The following GUCD1 variants were observed in gnomAD, a reference collection of about 807,000 sequenced individuals.
GUCD1 encodes the protein protein GUCD1.
Under a neutral mutation model 28.3 loss-of-function variants are expected in GUCD1, and 17 were observed. The ratio of observed to expected loss-of-function variants is 0.60; its 90% CI spans 0.41 to 0.90. The LOEUF (loss-of-function observed/expected upper bound fraction) is 0.90, where lower values mean the gene tolerates loss of function less well. Ranked by LOEUF, GUCD1 falls within the 40% of genes least tolerant of loss-of-function variation. GUCD1 has a pLI of 0.00. For missense variants in GUCD1, 279 were observed against 305.5 expected, an observed-to-expected ratio of 0.91 and a Z score of 0.65; for synonymous variants, 129 against 123.3, an observed-to-expected ratio of 1.05 and a Z score of -0.30.
chr22:24,547,143 A>G, intron 3 of GUCD1, 138 bp from the exon 4 acceptor site: 1 of 671,816 alleles, frequency 1.5e-6, no homozygotes, highest in Non-Finnish European at 2.7e-6. Context: ...GGCAGACGGT[A>G]CATGCAGCAA....
chr22:24,545,033 A>AG (rs1031792044), intron 4 of GUCD1, among the ~76,000 whole-genome samples: 8 of 151,586 alleles, frequency 5.3e-5, no homozygotes, highest in Non-Finnish European at 1.2e-4. Flanking sequence ...TAAAAAAAAA[A>AG]AAAAGAAAAG....
chr22:24,553,492 G>T (rs1430489973), intron 1 of GUCD1, among the ~76,000 whole-genome samples: 1 of 152,218 alleles, frequency 6.6e-6, no homozygotes, highest in Non-Finnish European at 1.5e-5. Flanking sequence ...CTTGGGGAAT[G>T]GAAGGCGTTT....
intron 1 of GUCD1, among the ~76,000 whole-genome samples, chr22:24,552,114 C>G (rs959199690): frequency 5.3e-5 from 8 of 152,190 alleles, no homozygotes; most frequent in Admixed American, 4.6e-4. Context: ...CAGGCCTTTA[C>G]CAGACACAGA....
chr22:24,555,547 C>A, upstream of GUCD1: 1 of 1,494,986 alleles, frequency 6.7e-7, no homozygotes, highest in Non-Finnish European at 9.1e-7. Context: ...CCTGAGCGGG[C>A]AGCCGCTCTA....
Position 24,543,917 on chromosome 22 carries a change from C to T in GUCD1, c.553G>A (p.Gly185Ser), listed in dbSNP as rs1469775399. Residue 185 changes from glycine to serine, a missense_variant, in exon 5 of 6, where the codon GGC becomes AGC. Coordinates refer to ENST00000435822, the MANE Select transcript of GUCD1 (RefSeq NM_001284254.2). ...HCFCRTPDYQ[G>S]HFIVLRGYNR... ...TAGCCACGCAGCACGATGAAGTGGC[C>T]CTGGTAGTCAGGAGTGCGGCAGAAG... is the stretch of plus-strand genomic sequence containing the variant. 2 of 1,613,880 alleles carry T rather than the reference C, an allele frequency of 1.2e-6. No homozygotes were observed. Among genetic ancestry groups the T allele is most frequent in the Non-Finnish European group, 1.7e-6 (2 of 1,179,950 alleles).
chr22:24,547,593 G>T, intron 3 of GUCD1: 1 of 318,750 alleles, frequency 3.1e-6, no homozygotes, highest in Non-Finnish European at 5.9e-6. Flanking sequence ...CCCTGGGCCT[G>T]CCTTGTGCTG....
chr22:24,545,813 G>T (rs1015097824), intron 4 of GUCD1, among the ~76,000 whole-genome samples: 1 of 151,494 alleles, frequency 6.6e-6, no homozygotes, highest in African/African-American at 2.4e-5. Flanking sequence ...CCATGATCTC[G>T]ATCTCCTAAC....
chr22:24,555,282 T>G (rs557746415), upstream of GUCD1: 1 of 1,358,812 alleles, frequency 7.4e-7, no homozygotes, highest in African/African-American at 1.5e-5. Flanking sequence ...CGCCTCAGCG[T>G]TGAGTGGCCC....
rs1178576455 is a variant in GUCD1, at chr22:24,555,092, C to T, written c.-101G>A. ...GCGGTCGGTGCGTGTCGAGTTCCTT[C>T]TCCGCCACCGCCGCCGCTGCGGAGG... On this transcript the variant is annotated 5_prime_UTR_variant, in exon 1 of 6. Coordinates refer to ENST00000435822, the MANE Select transcript of GUCD1 (RefSeq NM_001284254.2). 7.6e-7 allele frequency: 1 copy of T among 1,312,966 alleles called. No individual in the cohort carries two copies. The highest frequency in any genetic ancestry group is 9.7e-7 in the Non-Finnish European group (1 of 1,028,094). 81.3% of individuals were successfully genotyped at this position (1,312,966 alleles called of 1,614,324 possible).
rs1198025593 is a variant in GUCD1 at position 24,554,944 on chromosome 22, C to A, written c.43+5G>T. The stretch of plus-strand genomic sequence containing the variant: ...TGAAGACTGGGCCCACAGAGAGGCA[C>A]TGACCGGGCTCGAGCGGCGGCCCCG... On this transcript the variant is annotated splice_donor_5th_base_variant and intron_variant, in intron 1 of 5. Coordinates refer to ENST00000435822, the MANE Select transcript of GUCD1 (RefSeq NM_001284254.2). 1 of 1,575,360 alleles carries A rather than the reference C, an allele frequency of 6.3e-7. No homozygotes were observed.
At chr22:24,547,797 A>G in intron 3 of GUCD1, 111 bp downstream of exon 3, 1 of 1,115,056 alleles carries the variant, frequency 9.0e-7, no homozygotes, top group Non-Finnish European at 1.3e-6. Flanking sequence ...ACACCTGGGT[A>G]TCTACCTGGG....
At chr22:24,545,714 C>T (rs979479393) in intron 4 of GUCD1, among the ~76,000 whole-genome samples, 1 of 151,010 alleles carries the variant, frequency 6.6e-6, no homozygotes, top group African/African-American at 2.4e-5. Flanking sequence ...TGCCATTCTC[C>T]TGCCTCAGCC....
At chr22:24,554,762 C>T (rs904779163) in intron 1 of GUCD1, among the ~76,000 whole-genome samples, 187 bp downstream of exon 1, 2 of 152,232 alleles carry the variant, frequency 1.3e-5, no homozygotes, top group African/African-American at 2.4e-5. Context: ...GCTACCCGGA[C>T]CTTCCCACCA....
upstream of GUCD1, chr22:24,555,769 C>T: frequency 1.3e-6 from 2 of 1,550,398 alleles, no homozygotes; most frequent in Non-Finnish European, 1.7e-6. Flanking sequence ...TGTGAGCACC[C>T]TCTCTGGCTC....
upstream of GUCD1, chr22:24,555,765 C>T (rs1396457948): frequency 5.2e-6 from 8 of 1,550,394 alleles, no homozygotes; most frequent in South Asian, 4.8e-5. Context: ...GAAGTGTGAG[C>T]ACCCTCTCTG....
chr22:24,548,885 G>A, intron 2 of GUCD1, 32 bp downstream of exon 2: 3 of 1,506,582 alleles, frequency 2.0e-6, no homozygotes, highest in East Asian at 2.4e-5. Flanking sequence ...TAGATGGGAA[G>A]CACCTGGGCC....
intron 3 of GUCD1, chr22:24,547,275 C>G: frequency 2.2e-6 from 1 of 450,812 alleles, no homozygotes; most frequent in Non-Finnish European, 4.1e-6. Flanking sequence ...TGGGGAGGAT[C>G]GATCACCCTT....
At chr22:24,551,684 C>G (rs1408100682) in intron 1 of GUCD1, among the ~76,000 whole-genome samples, 1 of 142,792 alleles carries the variant, frequency 7.0e-6, no homozygotes, top group East Asian at 1.9e-4. Context: ...TCTGACTAAG[C>G]CTTTGAGAAA....
intron 4 of GUCD1, among the ~76,000 whole-genome samples, chr22:24,545,215 C>G (rs532296016): frequency 1.3e-5 from 2 of 152,224 alleles, no homozygotes; most frequent in African/African-American, 4.8e-5. Flanking sequence ...ACAGCTGAGT[C>G]ACGTGGCAGT....
Sources: gnomAD v4.1 joint callset for allele counts (sites outside exome capture counted in the v4.1 genomes callset) on GRCh38, gnomAD v4.1.1 for gene constraint, MANE v1.5 for transcripts, NCBI Gene and HGNC (gene_info 2026-07-23, HGNC 2026-07-21) for gene names.